The following EIF4G1 variants were observed in gnomAD, a reference collection of about 807,000 sequenced individuals.
EIF4G1 encodes the protein EIF4-gamma.
Under a neutral mutation model 187.8 loss-of-function variants are expected in EIF4G1, and 4 were observed. That is an observed-to-expected ratio of 0.02 (90% CI 0.01 to 0.05). EIF4G1 has a LOEUF of 0.05. Among genes scored for constraint, EIF4G1 ranks in the 10% least tolerant of loss-of-function variants. The pLI, the probability that EIF4G1 is intolerant of heterozygous loss-of-function variation, is 1.00. For missense variants in EIF4G1, 1,647 were observed against 2,081.1 expected (o/e 0.79, Z 4.06); for synonymous variants, 844 against 781.4 (o/e 1.08, Z -1.34).
rs1432008261 is a variant in EIF4G1, at chr3:184,327,599, T to C, written c.3675T>C (p.Ala1225=). 1.2e-6 allele frequency: 2 copies of C among 1,614,158 alleles called. No individual in the cohort carries two copies. The highest frequency in any genetic ancestry group is 1.7e-6 in the Non-Finnish European group (2 of 1,179,992). Residue 1225 remains alanine (A), a synonymous_variant, in exon 25 of 33, where the codon GCT becomes GCC. Transcript: ENST00000346169. Reference sequence around the variant, plus strand: ...CTCTTCCCACAGTGAAGCGAGAAGCTGCCCTACCCCCAGTGAGCCCCCTGA... The same window carrying C: ...CTCTTCCCACAGTGAAGCGAGAAGCCGCCCTACCCCCAGTGAGCCCCCTGA... The part of the protein sequence containing the change: ...DRGRDAVKRE[A]ALPPVSPLKA...
At chr3:184,317,675 G>C in intron 5 of EIF4G1, 42 bp from the exon 6 acceptor site, 1 of 1,572,246 alleles carries the variant, frequency 6.4e-7, no homozygotes, top group Non-Finnish European at 8.8e-7. Context: ...GGAACTCATA[G>C]CTCCCTCAAC....
At chr3:184,332,155 C>T in intron 32 of EIF4G1, 69 bp downstream of exon 32, 1 of 1,607,284 alleles carries the variant, frequency 6.2e-7, no homozygotes, top group South Asian at 1.1e-5. Flanking sequence ...TGAGACCCTT[C>T]ATGGAAGGGT....
At chr3:184,322,223 A>G in intron 10 of EIF4G1, 120 bp downstream of exon 10, 2 of 1,561,780 alleles carry the variant, frequency 1.3e-6, no homozygotes, top group Non-Finnish European at 1.8e-6. Flanking sequence ...TAAGAACTAG[A>G]TTAAGGACTT....
chr3:184,326,101 G>T (rs1724840407), intron 21 of EIF4G1, 150 bp downstream of exon 21: 1 of 779,416 alleles, frequency 1.3e-6, no homozygotes, highest in African/African-American at 1.7e-5. Context: ...GTAGAGGGAG[G>T]GTGGTACTCC....
chr3:184,329,011 C>A, intron 28 of EIF4G1, 21 bp downstream of exon 28: 2 of 1,613,702 alleles, frequency 1.2e-6, no homozygotes, highest in South Asian at 2.2e-5. Flanking sequence ...GCCAGGAGTC[C>A]AGAGATGCCT....
intron 4 of EIF4G1, 134 bp downstream of exon 4, chr3:184,316,352 CGCCTT>C (rs2108459227): frequency 8.4e-7 from 1 of 1,187,852 alleles, no homozygotes; most frequent in Non-Finnish European, 1.2e-6. Flanking sequence ...TGCGGCTCTG[CGCCTT>C]GCCCTGTTGA....
chr3:184,316,725 T>G (rs997590328), intron 4 of EIF4G1: 24 of 1,595,768 alleles, frequency 1.5e-5, no homozygotes, highest in Non-Finnish European at 1.8e-5. Flanking sequence ...AGGATTCAGG[T>G]CTCTGCAGGT....
chr3:184,320,227 C>A lies in EIF4G1; in HGVS notation c.538-403C>A, dbSNP rs1390206419. 2.5e-6 allele frequency: 3 copies of A among 1,201,060 alleles called. No homozygotes were observed. In the African/African-American group the frequency reaches 4.7e-5, roughly 19 times the overall value. The allele number at this position is 1,201,060 out of a possible 1,614,324, so 74.4% of individuals were successfully genotyped here. The stretch of plus-strand genomic sequence containing the variant: ...GAATAGGGTGCCAGAGCTGGGGAAG[C>A]CGCTGAGTCACCCTGGCTCCACCTA... On this transcript the variant is annotated intron_variant, in intron 7 of 32. Coordinates refer to ENST00000346169, the MANE Select transcript of EIF4G1 (RefSeq NM_198241.3).
At chr3:184,328,181 G>A in intron 26 of EIF4G1, 179 bp downstream of exon 26, 1 of 690,108 alleles carries the variant, frequency 1.4e-6, no homozygotes, top group South Asian at 1.6e-5. Flanking sequence ...AGGATCACGT[G>A]AGGTTGGGAG....
chr3:184,317,877 CTGA>C, intron 6 of EIF4G1, 61 bp downstream of exon 6: 1 of 1,286,386 alleles, frequency 7.8e-7, no homozygotes, highest in Non-Finnish European at 1.1e-6. Flanking sequence ...AACTCATCTG[CTGA>C]TTTCTAAAGC....
At position 184,325,743 on chromosome 3, in the gene EIF4G1, C is replaced by T; in HGVS notation, c.3121+104C>T. 1 of 1,609,870 alleles carries T rather than the reference C, an allele frequency of 6.2e-7. No homozygotes were observed. The highest frequency in any genetic ancestry group is 1.3e-5 in the African/African-American group (1 of 74,942). Reference sequence around the variant, plus strand: ...GTGCCACGTGTCTGGGCCACTGAGACACCATGATGGAACTGAGGATCTGAG... The same window carrying T: ...GTGCCACGTGTCTGGGCCACTGAGATACCATGATGGAACTGAGGATCTGAG... On this transcript the variant is annotated intron_variant, in intron 20 of 32. Coordinates refer to ENST00000346169, the MANE Select transcript of EIF4G1 (RefSeq NM_198241.3). The surrounding 1 kb of genome is among the most constrained non-coding windows in gnomAD (Gnocchi z 5.2).
At position 184,331,774 on chromosome 3, in the gene EIF4G1, C is replaced by T. The variant is rs1035696938; in HGVS notation, c.4442C>T (p.Ala1481Val). The T allele has an allele frequency of 4.3e-6, 7 of 1,614,014 alleles. No individual in the cohort carries two copies. The highest frequency in any genetic ancestry group is 5.9e-6 in the Non-Finnish European group (7 of 1,180,038). ...QQIVSNTLVR[A>V]LMTAVCYSAI... ...ATAGTATCCAACACGTTAGTTCGAG[C>T]CCTCATGACGGCTGTCTGCTATTCT... is the stretch of plus-strand genomic sequence containing the variant. Residue 1481 changes from alanine (A) to valine (V), a missense_variant, in exon 31 of 33, where the codon GCC becomes GTC. Ala to Val is a moderately conservative substitution (Grantham distance 64). This residue lies in a region of EIF4G1 where 543 missense variants were observed against 638.0 expected (regional missense o/e 0.85). Coordinates refer to ENST00000346169, the MANE Select transcript of EIF4G1 (RefSeq NM_198241.3).
At chr3:184,328,120 A>T (rs1725302342) in intron 26 of EIF4G1, 118 bp downstream of exon 26, 1 of 1,219,074 alleles carries the variant, frequency 8.2e-7, no homozygotes. Context: ...GTGGTGGCTT[A>T]TGCCTGTAAT....
In EIF4G1 at chr3:184,316,146, G is replaced by A; in HGVS notation, c.75G>A (p.Pro25=). The change falls in exon 4 of 33, where the codon CCG becomes CCA. Residue 25 remains proline (P), a synonymous_variant. Transcript: ENST00000346169. ...SPGLPQPAFP[P]GQTAPVVFST... The stretch of plus-strand genomic sequence containing the variant: ...CCCCTCTTCAGCCAGCGTTTCCCCC[G>A]GGGCAGACAGCGCCGGTGGTGTTCA... 6.2e-7 allele frequency: 1 copy of A among 1,614,074 alleles called. No individual in the cohort carries two copies. The highest frequency in any genetic ancestry group is 8.5e-7 in the Non-Finnish European group (1 of 1,180,002).
chr3:184,331,714 T>C lies in EIF4G1; in HGVS notation c.4396-14T>C. 1 of 1,614,168 alleles carries C rather than the reference T, an allele frequency of 6.2e-7. No individual in the cohort carries two copies. Among genetic ancestry groups the C allele is most frequent in the East Asian group, 2.2e-5 (1 of 44,890 alleles). ...CAATTCAGAATCTGGGGATCATTTGTTTCTCCCATACAGGCCAACCTGAGT... is the reference window on the plus strand; with the variant it reads ...CAATTCAGAATCTGGGGATCATTTGCTTCTCCCATACAGGCCAACCTGAGT... On this transcript the variant is annotated splice_polypyrimidine_tract_variant and intron_variant, in intron 30 of 32. Coordinates refer to ENST00000346169, the MANE Select transcript of EIF4G1 (RefSeq NM_198241.3).
In EIF4G1 at chr3:184,326,137, AACAC is replaced by A. The variant is rs34901174; in HGVS notation, c.3222+215_3222+218del. On this transcript the variant is annotated intron_variant, in intron 21 of 32. Transcript: ENST00000346169. ...CATTAGTCTGGACCAGTGTTTGGCAAACACACACACACACACACACACACACACA... is the reference window on the plus strand; with the variant it reads ...CATTAGTCTGGACCAGTGTTTGGCAAACACACACACACACACACACACACA... Among the ~76,000 whole-genome samples the A allele has an allele frequency of 5.5e-3, 808 of 146,916 alleles. 6 individuals are homozygous for A. Among genetic ancestry groups the A allele is most frequent in the East Asian group, 0.028 (140 of 4,984 alleles).
Position 184,319,804 on chromosome 3 carries a change from G to A in EIF4G1, c.537+3G>A. On this transcript the variant is annotated splice_donor_region_variant and intron_variant, in intron 7 of 32. Coordinates refer to ENST00000346169, the MANE Select transcript of EIF4G1 (RefSeq NM_198241.3). ...CTCCCAAGAGGGAGCGTAAGACGGT[G>A]AGTAGCAGTGAGGGGCTCCGGGACA... is the stretch of plus-strand genomic sequence containing the variant. 6.3e-7 allele frequency: 1 copy of A among 1,576,632 alleles called. No individual in the cohort carries two copies. The highest frequency in any genetic ancestry group is 8.7e-7 in the Non-Finnish European group (1 of 1,154,090).
chr3:184,319,407 A>T (rs1030147878), intron 6 of EIF4G1, among the ~76,000 whole-genome samples: 1 of 149,954 alleles, frequency 6.7e-6, no homozygotes. Flanking sequence ...GTGGTAGGAA[A>T]GAGTGCCTGC....
chr3:184,321,437 A>C lies in EIF4G1; in HGVS notation c.853A>C (p.Ile285Leu). The change falls in exon 10 of 33, where the codon ATT (isoleucine) becomes CTT (leucine). Residue 285 changes from isoleucine (I) to leucine (L), a missense_variant. Physicochemically the swap from Ile to Leu is conservative, Grantham distance 5. This residue lies in a region of EIF4G1 where 522 missense variants were observed against 485.2 expected (regional missense o/e 1.08). Coordinates refer to ENST00000346169, the MANE Select transcript of EIF4G1 (RefSeq NM_198241.3). The part of the protein sequence containing the change: ...GSEPNLAVLS[I>L]PGDTMTTIQM... Reference sequence around the variant, plus strand: ...TGAGCCTAATCTCGCAGTCCTCTCTATTCCTGGGGACACTATGACAACTAT... The same window carrying C: ...TGAGCCTAATCTCGCAGTCCTCTCTCTTCCTGGGGACACTATGACAACTAT... The C allele has an allele frequency of 6.2e-7, 1 of 1,614,090 alleles. No individual in the cohort carries two copies. The highest frequency in any genetic ancestry group is 8.5e-7 in the Non-Finnish European group (1 of 1,180,012).
Sources: allele counts gnomAD v4.1 joint callset (sites outside exome capture counted in the v4.1 genomes callset), GRCh38; gene constraint gnomAD v4.1.1; regional missense constraint gnomAD v4.1.1; non-coding constraint Gnocchi (gnomAD v3.1); transcripts MANE v1.5; gene names NCBI Gene and HGNC (gene_info 2026-07-23, HGNC 2026-07-21).